The following GPD1L variants were observed in gnomAD, a reference collection of about 807,000 sequenced individuals.
GPD1L encodes glycerol-3-phosphate dehydrogenase 1-like protein.
Under a neutral mutation model 32.9 loss-of-function variants are expected in GPD1L, and 17 were observed. The observed-to-expected ratio is 0.52, with a 90% confidence interval of 0.35 to 0.78. GPD1L has a LOEUF of 0.78. GPD1L is among the 30% of genes least tolerant of loss of function. The pLI is 0.01. For missense variants in GPD1L, 361 were observed against 447.8 expected (o/e 0.81, Z 1.75); for synonymous variants, 187 against 165.9 (o/e 1.13, Z -0.98).
intron 5 of GPD1L, among the ~76,000 whole-genome samples, chr3:32,156,845 A>T (rs966324848): frequency 2.6e-5 from 4 of 152,156 alleles, no homozygotes; most frequent in Non-Finnish European, 4.4e-5. Flanking sequence ...AAGAAAAGTT[A>T]TTCTTTCACT....
At chr3:32,144,182 C>T (rs1176944075) in intron 4 of GPD1L, among the ~76,000 whole-genome samples, 3 of 152,154 alleles carry the variant, frequency 2.0e-5, no homozygotes, top group Non-Finnish European at 4.4e-5. Context: ...TTTGTTGATG[C>T]ATAGGGACTA....
In GPD1L at chr3:32,110,013, G is replaced by A. The variant is rs1463943691; in HGVS notation, c.47+3255G>A. Reference sequence around the variant, plus strand: ...GCTCACCGCAAGCTTCGCCTCGCGGGTTCACGCCATTCTCCTGCCTCAGCC... The same window carrying A: ...GCTCACCGCAAGCTTCGCCTCGCGGATTCACGCCATTCTCCTGCCTCAGCC... On this transcript the variant is annotated intron_variant, in intron 1 of 7. Transcript: ENST00000282541. Among the ~76,000 whole-genome samples the A allele has an allele frequency of 2.0e-5, 3 of 152,378 alleles. No individual in the cohort carries two copies. The East Asian group carries it at 5.8e-4, about 29-fold the overall frequency.
intron 1 of GPD1L, among the ~76,000 whole-genome samples, chr3:32,114,326 T>G (rs73827725): frequency 0.023 from 3,524 of 152,332 alleles, 147 homozygotes; most frequent in African/African-American, 0.077. Context: ...CAAACCTTCA[T>G]GAACTTAATA....
Position 32,140,375 on chromosome 3 carries a change from T to G in GPD1L, c.505+9T>G. ...CTGTGAGACCACCATCGGTAAGCAC[T>G]GCCTGGGAGGGACCCCAGGAGTCTG... On this transcript the variant is annotated intron_variant, in intron 4 of 7. Transcript: ENST00000282541. 1 of 1,614,070 alleles carries G rather than the reference T, an allele frequency of 6.2e-7. No individual in the cohort carries two copies. Among genetic ancestry groups the G allele is most frequent in the Non-Finnish European group, 8.5e-7 (1 of 1,179,934 alleles).
At chr3:32,156,065 G>A (rs1419859495) in intron 5 of GPD1L, among the ~76,000 whole-genome samples, 1 of 152,006 alleles carries the variant, frequency 6.6e-6, no homozygotes, top group African/African-American at 2.4e-5. Flanking sequence ...ATCCTGACTC[G>A]GCAACTCACC....
chr3:32,127,709 A>C (rs1700531225), intron 1 of GPD1L, among the ~76,000 whole-genome samples: 1 of 152,182 alleles, frequency 6.6e-6, no homozygotes, highest in Non-Finnish European at 1.5e-5. Flanking sequence ...ATCAAGACAC[A>C]GTTTATCTTA....
chr3:32,143,661 A>T (rs1010330598), intron 4 of GPD1L, among the ~76,000 whole-genome samples: 3 of 151,980 alleles, frequency 2.0e-5, no homozygotes, highest in Admixed American at 6.6e-5. Context: ...TGGGCAACAT[A>T]ATGAGATCCC....
intron 1 of GPD1L, among the ~76,000 whole-genome samples, chr3:32,116,987 CCCACTTGAAATGTGG>C (rs1700341272): frequency 6.6e-6 from 1 of 152,126 alleles, no homozygotes; most frequent in African/African-American, 2.4e-5. Context: ...TGCCTTCCTG[CCCACTTGAAATGTGG>C]CTATTCGGAC....
At chr3:32,141,445 C>T (rs755960435) in intron 4 of GPD1L, among the ~76,000 whole-genome samples, 1 of 152,042 alleles carries the variant, frequency 6.6e-6, no homozygotes, top group Non-Finnish European at 1.5e-5. Flanking sequence ...TTAATAATTG[C>T]TTTATTCGCT....
At chr3:32,109,255 T>G (rs1448091917) in intron 1 of GPD1L, among the ~76,000 whole-genome samples, 2 of 152,150 alleles carry the variant, frequency 1.3e-5, no homozygotes, top group Non-Finnish European at 2.9e-5. Context: ...TTAACATTAG[T>G]TTTTTAGTCT....
At chr3:32,128,692 C>T (rs1223314838) in intron 2 of GPD1L, among the ~76,000 whole-genome samples, 1 of 152,200 alleles carries the variant, frequency 6.6e-6, no homozygotes, top group Non-Finnish European at 1.5e-5. Context: ...TTAATTACCT[C>T]TTTTAAGACA....
chr3:32,145,697 C>A (rs1700809862), intron 4 of GPD1L, among the ~76,000 whole-genome samples: 1 of 152,148 alleles, frequency 6.6e-6, no homozygotes, highest in Non-Finnish European at 1.5e-5. Context: ...GTTTACCCAA[C>A]CCAGATGATG....
chr3:32,141,596 A>G (rs1700745129), intron 4 of GPD1L, among the ~76,000 whole-genome samples: 1 of 152,154 alleles, frequency 6.6e-6, no homozygotes, highest in African/African-American at 2.4e-5. Context: ...GAGAAGTATC[A>G]CAAATAATAC....
At chr3:32,113,086 C>G (rs151022917) in intron 1 of GPD1L, among the ~76,000 whole-genome samples, 12 of 152,116 alleles carry the variant, frequency 7.9e-5, no homozygotes, top group African/African-American at 2.9e-4. Context: ...TTTATATTCT[C>G]CTTCTGAGAA....
chr3:32,159,797 T>A (rs1321511166), intron 7 of GPD1L, 123 bp downstream of exon 7: 1 of 721,212 alleles, frequency 1.4e-6, no homozygotes, highest in African/African-American at 1.7e-5. Flanking sequence ...TCTGGATTAG[T>A]TCAGTCCTTT....
At chr3:32,148,874 T>C (rs566101880) in intron 5 of GPD1L, among the ~76,000 whole-genome samples, 84 of 152,338 alleles carry the variant, frequency 5.5e-4, no homozygotes, top group African/African-American at 1.8e-3. Flanking sequence ...ATTCCTTGTT[T>C]TCACACAACA....
chr3:32,146,243 C>T (rs1364159941), intron 4 of GPD1L, among the ~76,000 whole-genome samples: 1 of 151,946 alleles, frequency 6.6e-6, no homozygotes, highest in African/African-American at 2.4e-5. Context: ...CGTGCCACCA[C>T]GCCCAGCTAA....
At chr3:32,111,599 G>T (rs1156438092) in intron 1 of GPD1L, among the ~76,000 whole-genome samples, 1 of 152,120 alleles carries the variant, frequency 6.6e-6, no homozygotes, top group Non-Finnish European at 1.5e-5. Flanking sequence ...ACTGGTTTGG[G>T]GTTTGGCCAA....
intron 5 of GPD1L, among the ~76,000 whole-genome samples, chr3:32,149,126 C>T (rs1700874555): frequency 6.6e-6 from 1 of 152,228 alleles, no homozygotes; most frequent in African/African-American, 2.4e-5. Flanking sequence ...GTGGCACAAT[C>T]ATGGCTCATT....
Sources: allele counts gnomAD v4.1 joint callset (sites outside exome capture counted in the v4.1 genomes callset), GRCh38; gene constraint gnomAD v4.1.1; transcripts MANE v1.5; gene names NCBI Gene and HGNC (gene_info 2026-07-23, HGNC 2026-07-21).